Variants in NRCAM observed in about 807,000 individuals in gnomAD.
NRCAM encodes the protein NgCAM-related cell adhesion molecule.
Under a neutral mutation model 156.5 loss-of-function variants are expected in NRCAM, and 83 were observed. That is an observed-to-expected ratio of 0.53 (90% CI 0.44 to 0.64). The LOEUF is 0.64. Among genes scored for constraint, NRCAM ranks in the 30% least tolerant of loss-of-function variants. The pLI is 0.00. For synonymous variants in NRCAM, 538 were observed against 563.9 expected (o/e 0.95, Z 0.65); for missense variants, 1,417 against 1,597.3 (o/e 0.89, Z 1.92).
At chr7:108,171,453 G>A (rs950263311) in intron 28 of NRCAM, among the ~76,000 whole-genome samples, 3 of 152,102 alleles carry the variant, frequency 2.0e-5, no homozygotes, top group Non-Finnish European at 4.4e-5. Context: ...TAAGTGGACC[G>A]CTTGGTATAA....
At chr7:108,377,121 G>A (rs528570671) in intron 2 of NRCAM, among the ~76,000 whole-genome samples, 5 of 152,252 alleles carry the variant, frequency 3.3e-5, no homozygotes, top group Non-Finnish European at 4.4e-5. Context: ...CCATGATCAC[G>A]CTATTGCACT....
intron 1 of NRCAM, among the ~76,000 whole-genome samples, chr7:108,437,857 G>A (rs961241380): frequency 1.3e-5 from 2 of 151,962 alleles, no homozygotes; most frequent in African/African-American, 4.8e-5. Flanking sequence ...TTGAAGTAAA[G>A]CTTTTATATT....
At chr7:108,427,053 C>A (rs1175541388) in intron 1 of NRCAM, among the ~76,000 whole-genome samples, 1 of 152,302 alleles carries the variant, frequency 6.6e-6, no homozygotes, top group East Asian at 1.9e-4. Context: ...TCTACTCAAG[C>A]CAGAGTTACT....
At chr7:108,209,875 C>T (rs2083135822) in intron 11 of NRCAM, among the ~76,000 whole-genome samples, 1 of 151,970 alleles carries the variant, frequency 6.6e-6, no homozygotes, top group Non-Finnish European at 1.5e-5. Context: ...ACTGATGGGG[C>T]CTAATTATTT....
chr7:108,361,423 C>T (rs193115308), intron 2 of NRCAM, among the ~76,000 whole-genome samples: 4 of 152,300 alleles, frequency 2.6e-5, no homozygotes, highest in East Asian at 1.9e-4. Context: ...TAAAGCCGAT[C>T]GCCCTCCCTA....
chr7:108,392,759 G>C (rs561132027), intron 2 of NRCAM, among the ~76,000 whole-genome samples: 1 of 152,116 alleles, frequency 6.6e-6, no homozygotes, highest in East Asian at 1.9e-4. Flanking sequence ...TGTGGATGTC[G>C]TTTCTGTTTG....
chr7:108,349,843 G>T (rs1315899375), intron 2 of NRCAM, among the ~76,000 whole-genome samples: 2 of 152,092 alleles, frequency 1.3e-5, no homozygotes, highest in Non-Finnish European at 2.9e-5. Flanking sequence ...ATTTAAAACA[G>T]AAACAGATTA....
chr7:108,305,916 G>A (rs1411602210), intron 3 of NRCAM, among the ~76,000 whole-genome samples: 1 of 152,160 alleles, frequency 6.6e-6, no homozygotes, highest in African/African-American at 2.4e-5. Context: ...GTATTAAAAT[G>A]ATTTAAACAC....
chr7:108,276,977 G>T (rs1269669), intron 3 of NRCAM, among the ~76,000 whole-genome samples: 91,156 of 151,908 alleles, frequency 0.6, 28,784 homozygotes, highest in East Asian at 0.94. Context: ...AGGATTTTAT[G>T]TCTCCTTCAC....
chr7:108,197,929 C>T (rs1489292408), intron 14 of NRCAM, 27 bp downstream of exon 14: 3 of 1,517,264 alleles, frequency 2.0e-6, no homozygotes, highest in Middle Eastern at 1.8e-4. Context: ...TTTAATTTGC[C>T]ATGTCTTTAA....
intron 2 of NRCAM, among the ~76,000 whole-genome samples, chr7:108,350,199 C>T (rs1477963669): frequency 6.6e-6 from 1 of 152,224 alleles, no homozygotes; most frequent in Non-Finnish European, 1.5e-5. Context: ...TTCCTGCTTT[C>T]ACCTCCATAA....
chr7:108,278,825 G>C (rs1306288517), intron 3 of NRCAM, among the ~76,000 whole-genome samples: 8 of 152,168 alleles, frequency 5.3e-5, no homozygotes, highest in African/African-American at 1.4e-4. Flanking sequence ...GCAGAATGCA[G>C]AAATCATCGT....
chr7:108,320,904 T>C (rs2098993826), intron 2 of NRCAM, among the ~76,000 whole-genome samples: 1 of 152,256 alleles, frequency 6.6e-6, no homozygotes, highest in Admixed American at 6.5e-5. Context: ...ACTATGTTAA[T>C]TTACGCAGGC....
Position 108,168,308 on chromosome 7 carries a change from C to G in NRCAM, c.3282G>C (p.Val1094=), listed in dbSNP as rs1162618453. The G allele has an allele frequency of 1.2e-6, 2 of 1,603,826 alleles. No homozygotes were observed. The highest frequency in any genetic ancestry group is 1.7e-6 in the Non-Finnish European group (2 of 1,175,900). Residue 1094 remains valine (V), a synonymous_variant, in exon 29 of 33, where the codon GTG becomes GTC. Transcript: ENST00000379028. The part of the protein sequence containing the change: ...ISWEYEGPEH[V]NFYVEYGVAG... ...CTACACCATATTCAACATAAAAGTTCACATGCTCTGGTCCCTCATATTCCC... is the reference window on the plus strand; with the variant it reads ...CTACACCATATTCAACATAAAAGTTGACATGCTCTGGTCCCTCATATTCCC...
At chr7:108,349,059 A>T (rs2099391677) in intron 2 of NRCAM, among the ~76,000 whole-genome samples, 1 of 152,138 alleles carries the variant, frequency 6.6e-6, no homozygotes, top group Non-Finnish European at 1.5e-5. Context: ...AAACCTAAGT[A>T]TGATCGACAT....
intron 3 of NRCAM, among the ~76,000 whole-genome samples, chr7:108,260,135 C>T (rs1424644701): frequency 6.6e-6 from 1 of 152,108 alleles, no homozygotes; most frequent in African/African-American, 2.4e-5. Context: ...TCTAGTTTTG[C>T]TTCCTATTCC....
intron 1 of NRCAM, among the ~76,000 whole-genome samples, chr7:108,455,980 G>A (rs994741681): frequency 6.6e-6 from 1 of 152,204 alleles, no homozygotes; most frequent in Non-Finnish European, 1.5e-5. Flanking sequence ...CGGCGCTGCT[G>A]GATTTCAGCT....
chr7:108,264,815 T>C (rs1484026965), intron 3 of NRCAM, among the ~76,000 whole-genome samples: 1 of 152,178 alleles, frequency 6.6e-6, no homozygotes, highest in East Asian at 1.9e-4. Flanking sequence ...AGTTTCTAGG[T>C]TTCCAATTCC....
At chr7:108,396,962 C>A (rs902798417) in intron 2 of NRCAM, among the ~76,000 whole-genome samples, 1 of 152,132 alleles carries the variant, frequency 6.6e-6, no homozygotes, top group Non-Finnish European at 1.5e-5. Context: ...TTAATCAGAG[C>A]CTCAAGTATT....
Sources: gnomAD v4.1 joint callset for allele counts (sites outside exome capture counted in the v4.1 genomes callset) on GRCh38, gnomAD v4.1.1 for gene constraint, MANE v1.5 for transcripts, NCBI Gene and HGNC (gene_info 2026-07-23, HGNC 2026-07-21) for gene names.